The following ABCA6 variants were observed in gnomAD, a reference collection of about 807,000 sequenced individuals.
ABCA6 encodes the protein ATP binding cassette subfamily A member 6.
ABCA6 carries 164 observed loss-of-function variants against 191.2 expected under a neutral mutation model. The observed-to-expected ratio is 0.86, with a 90% CI of 0.76 to 0.98. ABCA6 has a LOEUF of 0.98. ABCA6 is among the 50% of genes least tolerant of loss of function. The pLI, the probability that ABCA6 is intolerant of heterozygous loss-of-function variation, is 0.00. For missense variants in ABCA6, 1,958 were observed against 1,894.1 expected (o/e 1.03, Z -0.63); for synonymous variants, 636 against 647.7 (o/e 0.98, Z 0.27).
intron 11 of ABCA6, among the ~76,000 whole-genome samples, chr17:69,116,503 A>G (rs1182285077): frequency 1.3e-5 from 2 of 152,104 alleles, no homozygotes; most frequent in Non-Finnish European, 2.9e-5. Context: ...CTTCCTTTGA[A>G]TAATTCTGCT....
intron 4 of ABCA6, chr17:69,135,422 T>G (rs1474922697): frequency 1.3e-5 from 2 of 152,402 alleles, no homozygotes; most frequent in Non-Finnish European, 2.9e-5. Context: ...GAAACCGAAT[T>G]ACACTTTTGC....
intron 10 of ABCA6, among the ~76,000 whole-genome samples, chr17:69,118,766 G>C (rs545721639): frequency 3.2e-4 from 48 of 152,016 alleles, no homozygotes; most frequent in African/African-American, 1.1e-3. Context: ...ATTCCACAGG[G>C]TTCTCCATGT....
At chr17:69,141,468 G>A (rs951954120) in intron 1 of ABCA6, among the ~76,000 whole-genome samples, 13 of 151,744 alleles carry the variant, frequency 8.6e-5, no homozygotes, top group African/African-American at 2.7e-4. Flanking sequence ...AATTTTTTTC[G>A]TTTCTGTAAC....
rs2074013253 is a variant in ABCA6 at position 69,140,684 on chromosome 17, C to T, written c.20G>A (p.Ser7Asn). 6.3e-7 allele frequency: 1 copy of T among 1,596,566 alleles called. No individual in the cohort carries two copies. Among genetic ancestry groups the T allele is most frequent in the Middle Eastern group, 1.7e-4 (1 of 5,988 alleles). MNMKQK[S>N]VYQQTKALLC... ...AAGTGCTTTGGTTTGCTGATACACG[C>T]TTTTCTGTTTCATATTCATTTAGCC... The change falls in exon 2 of 39, where the codon AGC (serine) becomes AAC (asparagine). Residue 7 changes from serine to asparagine, a missense_variant. Transcript: ENST00000284425.
chr17:69,118,421 T>C (rs1177736477), intron 10 of ABCA6, among the ~76,000 whole-genome samples: 1 of 152,046 alleles, frequency 6.6e-6, no homozygotes, highest in Non-Finnish European at 1.5e-5. Context: ...GGACACAATT[T>C]AATTTCTCTC....
Position 69,099,724 on chromosome 17 carries a change from T to C in ABCA6, c.3012+1073A>G, listed in dbSNP as rs1481955440. The C allele has an allele frequency of 2.6e-5, 4 of 154,172 alleles. No individual in the cohort carries two copies. In the East Asian group the frequency reaches 7.7e-4, roughly 30 times the overall value. 9.6% of individuals were successfully genotyped at this position (154,172 alleles called of 1,614,324 possible). A position where few individuals can be genotyped will look rare whatever the true frequency, so the allele number is the denominator to read the frequency against. On this transcript the variant is annotated intron_variant, in intron 22 of 38. Coordinates refer to ENST00000284425, the MANE Select transcript of ABCA6 (RefSeq NM_080284.3). ...TTCAGACACCCCTTCCCTCGAGTCATCCTGTGCAGCAGACCTGTTTACGTG... is the reference window on the plus strand; with the variant it reads ...TTCAGACACCCCTTCCCTCGAGTCACCCTGTGCAGCAGACCTGTTTACGTG...
intron 9 of ABCA6, 60 bp from the exon 10 acceptor site, chr17:69,123,467 C>G: frequency 1.6e-6 from 2 of 1,221,906 alleles, no homozygotes; most frequent in Non-Finnish European, 2.1e-6. Flanking sequence ...CGCAAAGAAG[C>G]CTTGCTAACA....
At chr17:69,079,904 A>G (rs998765039) in intron 37 of ABCA6, among the ~76,000 whole-genome samples, 1 of 152,216 alleles carries the variant, frequency 6.6e-6, no homozygotes, top group African/African-American at 2.4e-5. Flanking sequence ...AGTGGCTTTA[A>G]AGAAAAATAA....
chr17:69,123,163 T>C, intron 10 of ABCA6, 76 bp downstream of exon 10: 2 of 973,642 alleles, frequency 2.1e-6, no homozygotes, highest in South Asian at 9.6e-5. Flanking sequence ...TAAAGTATAA[T>C]AATAATAAAA....
chr17:69,095,963 A>G (rs1391122451), intron 25 of ABCA6, among the ~76,000 whole-genome samples: 1 of 152,252 alleles, frequency 6.6e-6, no homozygotes, highest in African/African-American at 2.4e-5. Flanking sequence ...TAGTGTTGGC[A>G]GGAAGCCCTG....
At chr17:69,105,765 T>C in intron 19 of ABCA6, 137 bp from the exon 20 acceptor site, 1 of 780,358 alleles carries the variant, frequency 1.3e-6, no homozygotes, top group Non-Finnish European at 2.0e-6. Flanking sequence ...CTGAAGATAA[T>C]ACCCTAGCAT....
rs749477068 is a variant in ABCA6, at chr17:69,083,336, A to G, written c.4356-5T>C. 3 of 1,567,098 alleles carry G rather than the reference A, an allele frequency of 1.9e-6. No homozygotes were observed. Among genetic ancestry groups the G allele is most frequent in the African/African-American group, 1.4e-5 (1 of 72,354 alleles). ...ACGACTGCCTGGATTGCCTGCCTGC[A>G]GTGAGCAAAAAAATTAACAGTATTT... On this transcript the variant is annotated splice_region_variant and splice_polypyrimidine_tract_variant and intron_variant, in intron 34 of 38. Transcript: ENST00000284425.
In ABCA6 at chr17:69,134,687, A is replaced by C; in HGVS notation, c.516T>G (p.Asn172Lys). 1.2e-6 allele frequency: 2 copies of C among 1,613,842 alleles called. No homozygotes were observed. Among genetic ancestry groups the C allele is most frequent in the Non-Finnish European group, 1.7e-6 (2 of 1,179,910 alleles). Reference protein sequence around the residue: ...EFSCTLTKYWNRGFVALQTAI... With the variant: ...EFSCTLTKYWKRGFVALQTAI... Reference sequence around the variant, plus strand: ...CTGTTTGTAAAGCCACAAATCCTCTATTCCAGTATTTGGTCAATGTACATG... The same window carrying C: ...CTGTTTGTAAAGCCACAAATCCTCTCTTCCAGTATTTGGTCAATGTACATG... Residue 172 changes from asparagine (N) to lysine (K), a missense_variant, in exon 5 of 39, where the codon AAT becomes AAG. Transcript: ENST00000284425.
chr17:69,094,581 C>G (rs2073004624), intron 25 of ABCA6: 1 of 166,568 alleles, frequency 6.0e-6, no homozygotes, highest in Admixed American at 6.0e-5. Flanking sequence ...GGAAATTAAA[C>G]CTGCTCAGCT....
intron 23 of ABCA6, 139 bp from the exon 24 acceptor site, chr17:69,096,940 T>G: frequency 1.5e-6 from 1 of 647,764 alleles, no homozygotes; most frequent in Non-Finnish European, 2.4e-6. Context: ...ATTATGCATA[T>G]ACTGCTTAGT....
Position 69,082,920 on chromosome 17 carries a change from G to C in ABCA6, c.4569C>G (p.Val1523=), listed in dbSNP as rs1445855290. The C allele has an allele frequency of 6.2e-7, 1 of 1,614,170 alleles. No individual in the cohort carries two copies. The highest frequency in any genetic ancestry group is 1.1e-5 in the South Asian group (1 of 91,086). The change falls in exon 36 of 39, where the codon GTC becomes GTG. Residue 1523 remains valine, a synonymous_variant. Transcript: ENST00000284425. Reference sequence around the variant, plus strand: ...GGAAAAGCTTCAGAATCTCAGTGTGGACCAAAGTCACTTGAGACGTTTCCT... The same window carrying C: ...GGAAAAGCTTCAGAATCTCAGTGTGCACCAAAGTCACTTGAGACGTTTCCT... ...KVKETSQVTL[V]HTEILKLFPQ... is the part of the protein sequence containing the mutation.
intron 8 of ABCA6, among the ~76,000 whole-genome samples, chr17:69,127,268 A>T (rs555440946): frequency 6.6e-6 from 1 of 152,272 alleles, no homozygotes; most frequent in African/African-American, 2.4e-5. Flanking sequence ...TACAAAAAGC[A>T]TTCTACATAA....
intron 8 of ABCA6, among the ~76,000 whole-genome samples, chr17:69,127,663 CTG>C (rs992126726): frequency 1.5e-4 from 23 of 152,082 alleles, no homozygotes; most frequent in African/African-American, 5.6e-4. Flanking sequence ...TTCTGAAACA[CTG>C]TTGATGTAAA....
chr17:69,114,557 T>C (rs141144729), intron 13 of ABCA6, among the ~76,000 whole-genome samples: 80 of 152,238 alleles, frequency 5.3e-4, no homozygotes, highest in Middle Eastern at 3.4e-3. Context: ...TAACTTAAAG[T>C]ATAATAAAAA....
Sources: gnomAD v4.1 joint callset for allele counts (sites outside exome capture counted in the v4.1 genomes callset) on GRCh38, gnomAD v4.1.1 for gene constraint, MANE v1.5 for transcripts, NCBI Gene and HGNC (gene_info 2026-07-23, HGNC 2026-07-21) for gene names.